USH2A: variants seen among roughly 807,000 people sequenced by gnomAD.
The protein encoded by USH2A is usherin.
A neutral mutation model predicts 538.9 loss-of-function variants in USH2A; 443 were observed. The ratio of observed to expected loss-of-function variants is 0.82; its 90% confidence interval spans 0.76 to 0.89. USH2A has a LOEUF of 0.89. Among genes scored for constraint, USH2A ranks in the 40% least tolerant of loss-of-function variants. The pLI is 0.00. For missense variants in USH2A, 6,633 were observed against 6,324.8 expected, an observed-to-expected ratio of 1.05 and a Z score of -1.65; for synonymous variants, 2,413 against 2,273.5, an observed-to-expected ratio of 1.06 and a Z score of -1.75.
chr1:215,700,850 C>A (rs1046907945), intron 61 of USH2A, among the ~76,000 whole-genome samples: 5 of 152,096 alleles, frequency 3.3e-5, no homozygotes, highest in Non-Finnish European at 7.4e-5. Context: ...CTTCTGGTAG[C>A]TTTTGAACTT....
Position 216,325,496 on chromosome 1 carries a change from A to G in USH2A, c.952T>C (p.Tyr318His). The G allele has an allele frequency of 6.2e-7, 1 of 1,613,872 alleles. No homozygotes were observed. Among genetic ancestry groups the G allele is most frequent in the Non-Finnish European group, 8.5e-7 (1 of 1,179,896 alleles). ...TCTCCTGCATCATTAGGAATGCAGT[A>G]CCGCTGTGCCAAAGGGTGGACCCGC... ...HPRVHPLAQR[Y>H]CIPNDAGDTA... is the part of the protein sequence containing the mutation. The change falls in exon 6 of 72, where the codon TAC becomes CAC. Residue 318 changes from tyrosine (Y) to histidine (H), a missense_variant. Transcript: ENST00000307340.
intron 37 of USH2A, among the ~76,000 whole-genome samples, chr1:215,962,719 C>T (rs1667233227): frequency 6.6e-6 from 1 of 152,094 alleles, no homozygotes; most frequent in Non-Finnish European, 1.5e-5. Context: ...AAGCTGAGCA[C>T]ACTACTTTTC....
intron 21 of USH2A, among the ~76,000 whole-genome samples, chr1:216,156,800 A>C (rs528941838): frequency 2.0e-5 from 3 of 152,244 alleles, no homozygotes; most frequent in Admixed American, 2.0e-4. Flanking sequence ...AGAACCTATA[A>C]GGAACTTAAA....
chr1:215,901,749 T>C (rs1207447278), intron 38 of USH2A, among the ~76,000 whole-genome samples: 1 of 152,178 alleles, frequency 6.6e-6, no homozygotes, highest in Non-Finnish European at 1.5e-5. Flanking sequence ...AAGATGACTC[T>C]GGTTATTTAA....
chr1:216,188,635 A>G (rs2102653468), intron 20 of USH2A, among the ~76,000 whole-genome samples: 1 of 152,076 alleles, frequency 6.6e-6, no homozygotes, highest in Admixed American at 6.6e-5. Flanking sequence ...ACATTCTAAA[A>G]GAGGTATCTA....
At chr1:216,231,870 A>G (rs974112231) in intron 14 of USH2A, 83 bp downstream of exon 14, 1 of 1,554,614 alleles carries the variant, frequency 6.4e-7, no homozygotes. Context: ...TACTTTTTAC[A>G]GAAGTTATTG....
intron 32 of USH2A, among the ~76,000 whole-genome samples, chr1:216,039,437 T>C (rs1384676266): frequency 6.6e-6 from 1 of 151,958 alleles, no homozygotes; most frequent in Non-Finnish European, 1.5e-5. Context: ...GCATGGTGAC[T>C]CATGGATGAG....
At position 215,625,180 on chromosome 1, in the gene USH2A, A is replaced by G. The variant is rs1172579499; in HGVS notation, c.*601T>C. 6.4e-6 allele frequency: 1 copy of G among 156,140 alleles called. No individual in the cohort carries two copies. The highest frequency in any genetic ancestry group is 6.2e-5 in the Admixed American group (1 of 16,158). 9.7% of individuals were successfully genotyped at this position (156,140 alleles called of 1,614,324 possible). ...GTCAAAAAGTTTGGTGAGTAACCCT[A>G]TGTATTGTAAATAAATAGAACCTTC... is the stretch of plus-strand genomic sequence containing the variant. On this transcript the variant is annotated 3_prime_UTR_variant, in exon 72 of 72. Transcript: ENST00000307340.
intron 20 of USH2A, among the ~76,000 whole-genome samples, chr1:216,185,303 C>G (rs2034576655): frequency 6.6e-6 from 1 of 151,856 alleles, no homozygotes; most frequent in Non-Finnish European, 1.5e-5. Flanking sequence ...ATGAAATGTA[C>G]CCATTCTAAT....
intron 32 of USH2A, among the ~76,000 whole-genome samples, chr1:216,004,775 G>C (rs775873322): frequency 2.6e-5 from 4 of 152,078 alleles, no homozygotes; most frequent in Non-Finnish European, 5.9e-5. Flanking sequence ...GTGGATGAAA[G>C]AGAAAAAAAT....
intron 43 of USH2A, among the ~76,000 whole-genome samples, chr1:215,868,564 T>C (rs930465184): frequency 6.6e-6 from 1 of 152,192 alleles, no homozygotes; most frequent in African/African-American, 2.4e-5. Flanking sequence ...GGTTGAACTG[T>C]ATCTTTCAAA....
intron 37 of USH2A, among the ~76,000 whole-genome samples, chr1:215,954,494 C>T (rs539553909): frequency 2.3e-4 from 33 of 141,444 alleles, no homozygotes; most frequent in Non-Finnish European, 4.0e-4. Context: ...TGTTCTCACT[C>T]ATAGGTGGGA....
At chr1:216,148,748 C>T (rs1158532712) in intron 21 of USH2A, among the ~76,000 whole-genome samples, 1 of 151,586 alleles carries the variant, frequency 6.6e-6, no homozygotes, top group Non-Finnish European at 1.5e-5. Context: ...ATATACTCTC[C>T]TATCCTCAAT....
chr1:215,630,264 A>G (rs1344534680), intron 70 of USH2A: 1 of 457,296 alleles, frequency 2.2e-6, no homozygotes, highest in Admixed American at 2.3e-5. Context: ...AGTCAAACTG[A>G]GAACAAATGG....
intron 21 of USH2A, among the ~76,000 whole-genome samples, chr1:216,172,812 G>C (rs1235784519): frequency 6.6e-6 from 1 of 152,102 alleles, no homozygotes; most frequent in Non-Finnish European, 1.5e-5. Flanking sequence ...TGTCAGATAA[G>C]GAATATTTGG....
rs1031108384 is a variant in USH2A at position 216,196,743 on chromosome 1, A to G, written c.4082-21T>C. On this transcript the variant is annotated intron_variant, in intron 18 of 71. Coordinates refer to ENST00000307340, the MANE Select transcript of USH2A (RefSeq NM_206933.4). ...AGGTGCTATCAATGAGAACAATAACAATAACATCAAAACAATGAATGTCGT... is the reference window on the plus strand; with the variant it reads ...AGGTGCTATCAATGAGAACAATAACGATAACATCAAAACAATGAATGTCGT... The G allele has an allele frequency of 2.5e-6, 4 of 1,609,508 alleles. No homozygotes were observed. The East Asian group carries it at 6.7e-5, about 27-fold the overall frequency.
chr1:216,324,054 C>G (rs977819823), intron 7 of USH2A, 114 bp downstream of exon 7: 7 of 1,175,340 alleles, frequency 6.0e-6, no homozygotes, highest in Non-Finnish European at 8.4e-6. Flanking sequence ...GGAGAATCTG[C>G]CTCAAGGAAG....
chr1:216,355,771 G>T (rs1056668015), intron 4 of USH2A, among the ~76,000 whole-genome samples: 3 of 152,030 alleles, frequency 2.0e-5, no homozygotes, highest in African/African-American at 7.2e-5. Context: ...GCTACATAAT[G>T]AATCTAAACT....
intron 9 of USH2A, among the ~76,000 whole-genome samples, chr1:216,311,168 C>T (rs1327524710): frequency 6.6e-6 from 1 of 152,128 alleles, no homozygotes; most frequent in East Asian, 1.9e-4. Context: ...GCAGACTTTC[C>T]CAGGCTGGGG....
Sources: allele counts gnomAD v4.1 joint callset (sites outside exome capture counted in the v4.1 genomes callset), GRCh38; gene constraint gnomAD v4.1.1; transcripts MANE v1.5; gene names NCBI Gene and HGNC (gene_info 2026-07-23, HGNC 2026-07-21).